Variants in LIN28B observed in about 807,000 individuals in gnomAD.
LIN28B encodes protein lin-28 homolog B.
A neutral mutation model predicts 21.9 loss-of-function variants in LIN28B; 5 were observed. The ratio of observed to expected loss-of-function variants is 0.23; its 90% CI spans 0.12 to 0.48. The LOEUF (loss-of-function observed/expected upper bound fraction) is 0.48. LIN28B is among the 20% of genes least tolerant of loss of function. The pLI is 0.98. For synonymous variants in LIN28B, 109 were observed against 111.3 expected (o/e 0.98, Z 0.13); for missense variants, 245 against 310.5 (o/e 0.79, Z 1.58).
At chr6:105,066,777 G>T (rs1437241993) in intron 3 of LIN28B, among the ~76,000 whole-genome samples, 1 of 151,612 alleles carries the variant, frequency 6.6e-6, no homozygotes, top group East Asian at 1.9e-4. Context: ...AATTTCTTGT[G>T]CTCTGGTCAA....
At position 104,992,511 on chromosome 6, in the gene LIN28B, TGTG is replaced by T. The variant is rs1562084928; in HGVS notation, c.199-33786_199-33784del. 2.0e-3 allele frequency among the ~76,000 whole-genome samples: 218 copies of T among 111,760 alleles called. 1 individual carries two copies. The highest frequency in any genetic ancestry group is 5.4e-3 in the African/African-American group (182 of 33,912). 73.3% of individuals were successfully genotyped at this position (111,760 alleles called of 152,430 possible). On this transcript the variant is annotated intron_variant, in intron 2 of 3. Coordinates refer to ENST00000345080, the MANE Select transcript of LIN28B (RefSeq NM_001004317.4). ...GTGTGTGTGTGTGTGTGTGTGTGTGTGTGTTTTTTTTTTAAACAGGGTCTCACT... is the reference window on the plus strand; with the variant it reads ...GTGTGTGTGTGTGTGTGTGTGTGTGTTTTTTTTTTTAAACAGGGTCTCACT...
chr6:104,978,877 T>A (rs1446433818), intron 2 of LIN28B, among the ~76,000 whole-genome samples: 1 of 152,108 alleles, frequency 6.6e-6, no homozygotes, highest in Non-Finnish European at 1.5e-5. Context: ...ACCCCCAATA[T>A]AAGGGGCTTA....
intron 3 of LIN28B, among the ~76,000 whole-genome samples, chr6:105,039,265 T>C (rs1771584655): frequency 6.6e-6 from 1 of 152,212 alleles, no homozygotes; most frequent in East Asian, 1.9e-4. Flanking sequence ...TGGGGCATGG[T>C]CATTTTCACA....
At chr6:105,062,222 C>T (rs989338120) in intron 3 of LIN28B, among the ~76,000 whole-genome samples, 1 of 151,834 alleles carries the variant, frequency 6.6e-6, no homozygotes, top group African/African-American at 2.4e-5. Flanking sequence ...TTTAAAATAA[C>T]TTTTAAGTAC....
chr6:105,012,932 A>G (rs1770953670), intron 2 of LIN28B, among the ~76,000 whole-genome samples: 1 of 152,194 alleles, frequency 6.6e-6, no homozygotes, highest in Admixed American at 6.5e-5. Context: ...TATTCCTACC[A>G]GCAGTATATA....
intron 3 of LIN28B, among the ~76,000 whole-genome samples, chr6:105,072,290 A>G (rs1344209549): frequency 1.3e-5 from 2 of 152,312 alleles, no homozygotes; most frequent in Middle Eastern, 3.4e-3. Flanking sequence ...TAGATATTGT[A>G]GTTCCCAATT....
At chr6:104,978,360 A>G (rs1012848513) in intron 2 of LIN28B, among the ~76,000 whole-genome samples, 5 of 152,198 alleles carry the variant, frequency 3.3e-5, no homozygotes, top group African/African-American at 1.2e-4. Flanking sequence ...ATGAGATGGT[A>G]TTAAATGTAA....
intron 3 of LIN28B, among the ~76,000 whole-genome samples, chr6:105,049,784 G>C (rs894207019): frequency 6.6e-6 from 1 of 152,102 alleles, no homozygotes; most frequent in Admixed American, 6.6e-5. Context: ...TATGATCTTT[G>C]TTGGTTTAAA....
At chr6:105,039,754 G>C (rs527765965) in intron 3 of LIN28B, among the ~76,000 whole-genome samples, 1 of 151,946 alleles carries the variant, frequency 6.6e-6, no homozygotes, top group Non-Finnish European at 1.5e-5. Context: ...TTTATTTTTA[G>C]GTATTGTAGT....
chr6:105,047,835 A>T (rs995607088), intron 3 of LIN28B, among the ~76,000 whole-genome samples: 34 of 152,132 alleles, frequency 2.2e-4, no homozygotes, highest in Non-Finnish European at 4.6e-4. Context: ...TTATTGGTGT[A>T]TAAGAATGCT....
At chr6:105,071,120 C>T (rs1475078543) in intron 3 of LIN28B, among the ~76,000 whole-genome samples, 8 of 152,028 alleles carry the variant, frequency 5.3e-5, no homozygotes, top group Non-Finnish European at 1.0e-4. Context: ...CCTTGTGATC[C>T]GGCCACCTAG....
chr6:105,078,811 T>C lies in LIN28B; in HGVS notation c.*28T>C. On this transcript the variant is annotated 3_prime_UTR_variant, in exon 4 of 4. Coordinates refer to ENST00000345080, the MANE Select transcript of LIN28B (RefSeq NM_001004317.4). ...GGTCTTCTTCATATGTTCTTTCCTT[T>C]ACCCGGTTGCAAAGTCTACCTCATG... 1 of 1,590,216 alleles carries C rather than the reference T, an allele frequency of 6.3e-7. No individual in the cohort carries two copies. The highest frequency in any genetic ancestry group is 8.6e-7 in the Non-Finnish European group (1 of 1,166,028).
chr6:104,982,275 T>C (rs965959404), intron 2 of LIN28B, among the ~76,000 whole-genome samples: 1 of 151,268 alleles, frequency 6.6e-6, no homozygotes, highest in Non-Finnish European at 1.5e-5. Flanking sequence ...GATTGCGCCA[T>C]TGCACTCCAG....
Position 105,078,704 on chromosome 6 carries a change from C to T in LIN28B, c.674C>T (p.Ala225Val), listed in dbSNP as rs370463161. The change falls in exon 4 of 4, where the codon GCT becomes GTT. Residue 225 changes from alanine (A) to valine (V), a missense_variant. Coordinates refer to ENST00000345080, the MANE Select transcript of LIN28B (RefSeq NM_001004317.4). ...SERSGRSPQE[A>V]SSTKSSIAPE... ...CGGTCAGGCAGGTCACCTCAAGAAG[C>T]TTCCTCCACGAAGTCATCTATAGCA... 8 of 1,614,132 alleles carry T rather than the reference C, an allele frequency of 5.0e-6. No homozygotes were observed. Among genetic ancestry groups the T allele is most frequent in the Non-Finnish European group, 5.9e-6 (7 of 1,180,014 alleles).
chr6:104,964,520 G>C (rs543401557), intron 2 of LIN28B, among the ~76,000 whole-genome samples: 3 of 152,222 alleles, frequency 2.0e-5, no homozygotes, highest in South Asian at 4.1e-4. Flanking sequence ...TGAGTTTTGA[G>C]TAACAGGAAG....
intron 2 of LIN28B, among the ~76,000 whole-genome samples, chr6:104,976,886 C>T (rs576376835): frequency 1.6e-4 from 24 of 152,090 alleles, no homozygotes; most frequent in Non-Finnish European, 3.4e-4. Flanking sequence ...TTTTGTTAGC[C>T]CTTACCCTGA....
At chr6:105,016,490 A>G (rs1771029634) in intron 2 of LIN28B, among the ~76,000 whole-genome samples, 1 of 152,160 alleles carries the variant, frequency 6.6e-6, no homozygotes, top group African/African-American at 2.4e-5. Flanking sequence ...ATGATAGACA[A>G]GGGCTTTTTA....
At chr6:105,065,328 T>C (rs1772201507) in intron 3 of LIN28B, among the ~76,000 whole-genome samples, 1 of 152,150 alleles carries the variant, frequency 6.6e-6, no homozygotes, top group Admixed American at 6.5e-5. Context: ...TCTTGAGCTC[T>C]AATTTTTAAG....
intron 2 of LIN28B, among the ~76,000 whole-genome samples, chr6:104,963,308 A>G (rs558736731): frequency 6.8e-4 from 103 of 152,276 alleles, no homozygotes; most frequent in Admixed American, 2.4e-3. Context: ...GGCCTCCCAA[A>G]GTGCTGGGAT....
Sources: allele counts gnomAD v4.1 joint callset (sites outside exome capture counted in the v4.1 genomes callset), GRCh38; gene constraint gnomAD v4.1.1; transcripts MANE v1.5; gene names NCBI Gene and HGNC (gene_info 2026-07-23, HGNC 2026-07-21).